The following NPC1 variants were observed in gnomAD, a reference collection of about 807,000 sequenced individuals.
NPC1 encodes NPC intracellular cholesterol transporter 1.
A neutral mutation model predicts 140.4 loss-of-function variants in NPC1; 85 were observed. The observed-to-expected ratio is 0.61, with a 90% confidence interval of 0.51 to 0.72. The LOEUF (loss-of-function observed/expected upper bound fraction) is 0.72. Among genes scored for constraint, NPC1 ranks in the 30% least tolerant of loss-of-function variants. NPC1 has a pLI of 0.00. For synonymous variants in NPC1, 656 were observed against 624.8 expected (o/e 1.05, Z -0.74); for missense variants, 1,504 against 1,623.8 (o/e 0.93, Z 1.27).
exon 2 of NPC1, chr18:23,522,664 T>A (rs2145227351): frequency 1.3e-5 from 2 of 152,328 alleles, no homozygotes; most frequent in Admixed American, 1.3e-4. Flanking sequence ...TCTAACCATC[T>A]GGTCATAAGG....
downstream of NPC1, chr18:23,524,343 T>C: frequency 6.6e-7 from 1 of 1,523,184 alleles, no homozygotes; most frequent in Non-Finnish European, 9.1e-7. Context: ...ACTCAGTACA[T>C]GGTGGGCAGG....
intron 4 of NPC1, 134 bp from the exon 5 acceptor site, chr18:23,561,661 C>T (rs919555267): frequency 1.2e-6 from 1 of 864,744 alleles, no homozygotes; most frequent in Admixed American, 2.0e-5. Flanking sequence ...ACAGCAAACA[C>T]TAACTAAGGG....
intron 6 of NPC1, among the ~76,000 whole-genome samples, chr18:23,557,672 G>A (rs2058974708): frequency 6.6e-6 from 1 of 152,188 alleles, no homozygotes; most frequent in South Asian, 2.1e-4. Context: ...AACCAGGGAG[G>A]CGGTGGTTGC....
chr18:23,526,410 C>T (rs2058299047), downstream of NPC1, among the ~76,000 whole-genome samples: 1 of 152,192 alleles, frequency 6.6e-6, no homozygotes, highest in African/African-American at 2.4e-5. Flanking sequence ...AAGAGTCAGC[C>T]AGGTGTGCGG....
At chr18:23,565,116 T>C (rs939262574) in intron 4 of NPC1, among the ~76,000 whole-genome samples, 2 of 152,232 alleles carry the variant, frequency 1.3e-5, no homozygotes, top group Non-Finnish European at 2.9e-5. Context: ...TTGTTCTTTT[T>C]TCAGGGTTGT....
At chr18:23,509,176 T>TA (rs775415691) in intron 3 of NPC1, 22 of 1,190,562 alleles carry the variant, frequency 1.8e-5, no homozygotes, top group South Asian at 9.6e-5. Flanking sequence ...AAAATATTTT[T>TA]AAAAAATTTT....
At chr18:23,540,371 C>A in intron 17 of NPC1, 77 bp downstream of exon 17, 4 of 963,304 alleles carry the variant, frequency 4.2e-6, no homozygotes, top group South Asian at 2.8e-5. Flanking sequence ...CTTGAAACAC[C>A]TACGTGCATG....
intron 4 of NPC1, among the ~76,000 whole-genome samples, chr18:23,562,044 C>A (rs2059048634): frequency 6.6e-6 from 1 of 152,160 alleles, no homozygotes; most frequent in African/African-American, 2.4e-5. Flanking sequence ...AATTCCAGCA[C>A]TCTGGGAGGC....
rs61707929 is a variant in NPC1, at chr18:23,552,408, G to A, written c.1554-681C>T. The stretch of plus-strand genomic sequence containing the variant: ...TGGGAAGAGTAATGGACAGACAAAT[G>A]CAAAATAAAAGGACTCAGTGCCAGT... On this transcript the variant is annotated intron_variant, in intron 9 of 24. Transcript: ENST00000269228. 0.13 allele frequency among the ~76,000 whole-genome samples: 19,213 copies of A among 152,220 alleles called. 2,409 individuals are homozygous for A. Among genetic ancestry groups the A allele is most frequent in the African/African-American group, 0.32 (13,337 of 41,480 alleles).
In NPC1 at chr18:23,543,708, C is replaced by A. The variant is rs1036948557; in HGVS notation, c.2131-139G>T. On this transcript the variant is annotated intron_variant, in intron 13 of 24. Transcript: ENST00000269228. ...CAGTGTCTTCTAAGCATATAAACTTCGGTGGGGGACTCCAATGTTCTCAGA... is the reference window on the plus strand; with the variant it reads ...CAGTGTCTTCTAAGCATATAAACTTAGGTGGGGGACTCCAATGTTCTCAGA... 2.3e-5 allele frequency: 15 copies of A among 646,788 alleles called. No individual in the cohort carries two copies. In the African/African-American group the frequency reaches 2.7e-4, roughly 12 times the overall value. 40.1% of individuals were successfully genotyped at this position (646,788 alleles called of 1,614,324 possible).
chr18:23,562,010 C>T (rs1598988134), intron 4 of NPC1, among the ~76,000 whole-genome samples: 1 of 152,284 alleles, frequency 6.6e-6, no homozygotes, highest in East Asian at 1.9e-4. Flanking sequence ...ATACTGTTGG[C>T]CGGGCACGGT....
chr18:23,568,913 C>A lies in NPC1; in HGVS notation c.373G>T (p.Ala125Ser). The A allele has an allele frequency of 6.2e-7, 1 of 1,613,740 alleles. No homozygotes were observed. Among genetic ancestry groups the A allele is most frequent in the Non-Finnish European group, 8.5e-7 (1 of 1,179,622 alleles). ...PRQSQFLNVT[A>S]TEDYVDPVTN... Reference sequence around the variant, plus strand: ...ACAGGATCAACATAATCTTCAGTAGCTGTAACATTCAAAAACTGACTCTGT... The same window carrying A: ...ACAGGATCAACATAATCTTCAGTAGATGTAACATTCAAAAACTGACTCTGT... The change falls in exon 4 of 25, where the codon GCT (alanine) becomes TCT (serine). Residue 125 changes from alanine to serine, a missense_variant. Physicochemically the swap from Ala to Ser is moderately conservative, Grantham distance 99 (BLOSUM62 1). Coordinates refer to ENST00000269228, the MANE Select transcript of NPC1 (RefSeq NM_000271.5).
chr18:23,568,409 C>T (rs758976901), intron 4 of NPC1, among the ~76,000 whole-genome samples: 15 of 152,180 alleles, frequency 9.9e-5, no homozygotes, highest in Non-Finnish European at 2.2e-4. Flanking sequence ...ATCTGTTAGA[C>T]CTGCTGACTT....
At position 23,586,273 on chromosome 18, in the gene NPC1, C is replaced by G. The variant is rs2059417630; in HGVS notation, c.57+14G>C. ...CGTCCCCACAGGGCGTCCCGGTGGC[C>G]GGCGACCGCTCACCTGCGCTGGACA... On this transcript the variant is annotated intron_variant, in intron 1 of 24. Transcript: ENST00000269228. The G allele has an allele frequency of 6.5e-7, 1 of 1,531,852 alleles. No homozygotes were observed. The allele number at this position is 1,531,852 out of a possible 1,614,324, so 94.9% of individuals were successfully genotyped here.
chr18:23,565,593 A>C (rs909018424), intron 4 of NPC1, among the ~76,000 whole-genome samples: 1 of 152,138 alleles, frequency 6.6e-6, no homozygotes, highest in Non-Finnish European at 1.5e-5. Flanking sequence ...TGACCTTGTG[A>C]TCTGCCTGCC....
intron 11 of NPC1, among the ~76,000 whole-genome samples, chr18:23,546,597 A>T (rs1421750148): frequency 6.6e-6 from 1 of 152,250 alleles, no homozygotes; most frequent in Admixed American, 6.5e-5. Context: ...CATAATAGCC[A>T]AAATGGAAAC....
chr18:23,529,619 AT>A (rs760109984), downstream of NPC1: 3 of 1,611,006 alleles, frequency 1.9e-6, no homozygotes, highest in Admixed American at 3.3e-5. Flanking sequence ...GTAAGACCAC[AT>A]TTTTTTCTCC....
rs189881566 is a variant in NPC1 at position 23,552,784 on chromosome 18, C to G, written c.1554-1057G>C. ...ATGAGGGAGGTCAGGTGACCTGCAG[C>G]GAGCAGCTGAGTCCCTTCATCCACA... On this transcript the variant is annotated intron_variant, in intron 9 of 24. Coordinates refer to ENST00000269228, the MANE Select transcript of NPC1 (RefSeq NM_000271.5). Among the ~76,000 whole-genome samples the G allele has an allele frequency of 3.7e-3, 560 of 152,268 alleles. 5 individuals carry two copies. The highest frequency in any genetic ancestry group is 5.5e-3 in the Non-Finnish European group (374 of 68,014).
intron 11 of NPC1, among the ~76,000 whole-genome samples, chr18:23,545,964 T>C (rs529000619): frequency 1.9e-4 from 29 of 152,252 alleles, no homozygotes; most frequent in African/African-American, 6.5e-4. Flanking sequence ...AAAGTAAGTT[T>C]AGGGCTGGGC....
Sources: allele counts gnomAD v4.1 joint callset (sites outside exome capture counted in the v4.1 genomes callset), GRCh38; gene constraint gnomAD v4.1.1; transcripts MANE v1.5; gene names NCBI Gene and HGNC (gene_info 2026-07-23, HGNC 2026-07-21).